Variants in TRAPPC3L observed in about 807,000 individuals in gnomAD.
TRAPPC3L encodes trafficking protein particle complex subunit 3-like protein.
Under a neutral mutation model 23.7 loss-of-function variants are expected in TRAPPC3L, and 23 were observed. The observed-to-expected ratio is 0.97, with a 90% CI of 0.70 to 1.37. The LOEUF is 1.37. Ranked by LOEUF, TRAPPC3L falls within the 40% of genes most tolerant of loss-of-function variation. The pLI is 0.00. For missense variants in TRAPPC3L, 212 were observed against 216.8 expected (o/e 0.98, Z 0.14); for synonymous variants, 81 against 77.9 (o/e 1.04, Z -0.21).
chr6:116,541,144 C>G (rs1190398561), intron 2 of TRAPPC3L, among the ~76,000 whole-genome samples: 1 of 151,870 alleles, frequency 6.6e-6, no homozygotes, highest in African/African-American at 2.4e-5. Context: ...TGAAAACCTT[C>G]GATTGAGATG....
At chr6:116,521,488 T>C (rs1340350880) in intron 3 of TRAPPC3L, 2 of 150,976 alleles carry the variant, frequency 1.3e-5, no homozygotes, top group East Asian at 2.0e-4. Flanking sequence ...AGAGAAAAGA[T>C]TGGTGACCCA....
intron 3 of TRAPPC3L, among the ~76,000 whole-genome samples, chr6:116,529,521 C>T (rs777164712): frequency 6.6e-6 from 1 of 152,120 alleles, no homozygotes; most frequent in Non-Finnish European, 1.5e-5. Flanking sequence ...CTGTGCTGCT[C>T]GAGGTAAAGT....
chr6:116,512,325 G>A, intron 3 of TRAPPC3L: 3 of 1,379,186 alleles, frequency 2.2e-6, no homozygotes, highest in South Asian at 1.4e-5. Flanking sequence ...TCTGTGTCCT[G>A]TCAGAATATT....
rs749533621 is a variant in TRAPPC3L, at chr6:116,496,986, G to A, written c.514C>T (p.Arg172Ter). 196 of 1,543,688 alleles carry A rather than the reference G, an allele frequency of 1.3e-4. No homozygotes were observed. Among genetic ancestry groups the A allele is most frequent in the Admixed American group, 6.7e-4 (33 of 49,024 alleles). Residue 172 changes from arginine (R) to a stop codon, truncating the protein, a stop_gained, in exon 5 of 5, where the codon CGA becomes TGA. Transcript: ENST00000368602. LOFTEE classifies it high-confidence loss of function. Reference protein sequence around the residue: ...TEIGITFLKKRDEKKYRGKK With the variant: ...TEIGITFLKK ...TTCCCTCTATATTTTTTCTCGTCTC[G>A]CTTTTTTAGAAATGTTATTCCTATT...
In TRAPPC3L at chr6:116,496,066, C is replaced by T. The variant is rs1424761691; in HGVS notation, c.*888G>A. The T allele has an allele frequency of 6.6e-6, 1 of 152,144 alleles. No individual in the cohort carries two copies. The highest frequency in any genetic ancestry group is 2.4e-5 in the African/African-American group (1 of 41,440). The allele number at this position is 152,144 out of a possible 1,614,324, so 9.4% of individuals were successfully genotyped here. A position where few individuals can be genotyped will look rare whatever the true frequency, so the allele number is the denominator to read the frequency against. On this transcript the variant is annotated 3_prime_UTR_variant, in exon 5 of 5. Transcript: ENST00000368602. ...ATTCTGGGCTGCCTTGTAGGCCGCC[C>T]TTGTGTGCCAGTGGTCTGGTGAAGA... is the stretch of plus-strand genomic sequence containing the variant.
chr6:116,528,317 T>C (rs1772511375), intron 3 of TRAPPC3L, among the ~76,000 whole-genome samples: 1 of 152,228 alleles, frequency 6.6e-6, no homozygotes, highest in African/African-American at 2.4e-5. Flanking sequence ...ACAAAGCTTG[T>C]GGCTGTACAC....
intron 4 of TRAPPC3L, among the ~76,000 whole-genome samples, chr6:116,499,300 G>A (rs893711759): frequency 9.2e-5 from 14 of 152,136 alleles, no homozygotes; most frequent in South Asian, 2.1e-4. Context: ...TGCAGTCAGG[G>A]TTTTGTTCTC....
intron 3 of TRAPPC3L, among the ~76,000 whole-genome samples, chr6:116,514,893 A>C (rs1161590690): frequency 6.6e-6 from 1 of 152,230 alleles, no homozygotes; most frequent in Non-Finnish European, 1.5e-5. Flanking sequence ...AATTAATTTC[A>C]ATTGTGAAAA....
At chr6:116,520,203 T>G (rs1279044550) in intron 3 of TRAPPC3L, 1 of 152,206 alleles carries the variant, frequency 6.6e-6, no homozygotes, top group Non-Finnish European at 1.5e-5. Flanking sequence ...CTCTAAAAAC[T>G]GGTTAAAGCA....
At chr6:116,516,901 G>C (rs994747984) in intron 3 of TRAPPC3L, 2 of 151,826 alleles carry the variant, frequency 1.3e-5, no homozygotes, top group African/African-American at 4.8e-5. Flanking sequence ...TAGTGCGTTT[G>C]GGCTACTATA....
At chr6:116,536,544 CAGAG>C (rs933580332) in intron 3 of TRAPPC3L, among the ~76,000 whole-genome samples, 2 of 152,180 alleles carry the variant, frequency 1.3e-5, no homozygotes, top group South Asian at 2.1e-4. Flanking sequence ...TTTACTAACT[CAGAG>C]GGAGGGATCA....
At chr6:116,510,853 G>A (rs555387700) in intron 3 of TRAPPC3L, among the ~76,000 whole-genome samples, 36 of 152,104 alleles carry the variant, frequency 2.4e-4, no homozygotes, top group Middle Eastern at 3.4e-3. Flanking sequence ...ATGAAATAAT[G>A]TCTTTTGCAG....
chr6:116,525,890 CATA>C lies in TRAPPC3L; in HGVS notation c.240+14470_240+14472del, dbSNP rs572848130. Among the ~76,000 whole-genome samples, 3 of 152,302 alleles carry C rather than the reference CATA, an allele frequency of 2.0e-5. No individual in the cohort carries two copies. In the South Asian group the frequency reaches 6.2e-4, roughly 32 times the overall value. On this transcript the variant is annotated intron_variant, in intron 3 of 4. Transcript: ENST00000368602. The stretch of plus-strand genomic sequence containing the variant: ...TCATAAAGAGATGTGCTTCTGCAAT[CATA>C]ATAATTGCTGATGGTTTCAACAGAA...
intron 3 of TRAPPC3L, chr6:116,522,305 C>A (rs988750622): frequency 2.0e-5 from 3 of 152,192 alleles, no homozygotes; most frequent in African/African-American, 7.2e-5. Context: ...AACTCCATGA[C>A]CCCAAAAATC....
intron 3 of TRAPPC3L, chr6:116,521,745 T>C (rs1034863248): frequency 6.6e-6 from 1 of 152,288 alleles, no homozygotes; most frequent in Non-Finnish European, 1.5e-5. Context: ...AGTTGACATC[T>C]AAAATTAACC....
At chr6:116,525,266 G>T (rs1562344128) in intron 3 of TRAPPC3L, among the ~76,000 whole-genome samples, 1 of 152,158 alleles carries the variant, frequency 6.6e-6, no homozygotes, top group Non-Finnish European at 1.5e-5. Context: ...ATCCTCTTGG[G>T]AATAGAGGTC....
At chr6:116,512,435 A>C (rs1231832429) in intron 3 of TRAPPC3L, 5 of 577,442 alleles carry the variant, frequency 8.7e-6, no homozygotes, top group African/African-American at 7.4e-5. Context: ...TGACTGGATT[A>C]TCTCTTTTCC....
chr6:116,506,977 G>A (rs1772018390), intron 3 of TRAPPC3L, among the ~76,000 whole-genome samples: 1 of 152,042 alleles, frequency 6.6e-6, no homozygotes, highest in Non-Finnish European at 1.5e-5. Flanking sequence ...AAACCTGCAC[G>A]TTGTGCACAT....
intron 3 of TRAPPC3L, among the ~76,000 whole-genome samples, chr6:116,504,814 A>G (rs4946175): frequency 0.16 from 23,941 of 152,226 alleles, 2,516 homozygotes; most frequent in East Asian, 0.42. Flanking sequence ...ACAAAATTCA[A>G]CAGCCCTTCA....
Sources: allele counts gnomAD v4.1 joint callset (sites outside exome capture counted in the v4.1 genomes callset), GRCh38; gene constraint gnomAD v4.1.1; transcripts MANE v1.5; gene names NCBI Gene and HGNC (gene_info 2026-07-23, HGNC 2026-07-21).